CCDC93: variants seen among roughly 807,000 people sequenced by gnomAD.
CCDC93 encodes CCC complex scaffolding subunit CCDC93, also known as coiled-coil domain-containing protein 93.
In CCDC93, 61 loss-of-function variants were observed where a neutral mutation model predicts 108.2. The ratio of observed to expected loss-of-function variants is 0.56; its 90% confidence interval spans 0.46 to 0.70. The LOEUF is 0.70. Ranked by LOEUF, CCDC93 falls within the 30% of genes least tolerant of loss-of-function variation. CCDC93 has a pLI of 0.00. For missense variants in CCDC93, 685 were observed against 764.2 expected, an observed-to-expected ratio of 0.90 and a Z score of 1.22; for synonymous variants, 276 against 260.4, an observed-to-expected ratio of 1.06 and a Z score of -0.58.
At chr2:117,977,434 T>C (rs796846519) in intron 8 of CCDC93, among the ~76,000 whole-genome samples, 11 of 152,340 alleles carry the variant, frequency 7.2e-5, no homozygotes, top group African/African-American at 2.4e-4. Flanking sequence ...ACATACAGCC[T>C]GGAACACAGA....
intron 20 of CCDC93, 111 bp from the exon 21 acceptor site, chr2:117,936,850 A>G: frequency 1.2e-6 from 1 of 817,412 alleles, no homozygotes. Context: ...CAAGGAACAC[A>G]TGCCTTGTTT....
intron 22 of CCDC93, chr2:117,931,351 C>G: frequency 1.9e-6 from 1 of 514,108 alleles, no homozygotes; most frequent in Non-Finnish European, 3.4e-6. Flanking sequence ...ATTTTTCTAT[C>G]ACTGAGTATT....
rs762111145 is a variant in CCDC93, at chr2:117,958,296, G to A, written c.1005+69C>T. ...CAAGCACCACAGTATGCCAACCCCC[G>A]TTCTGGAATCTCCTTTAACCAATCT... On this transcript the variant is annotated intron_variant, in intron 12 of 23. Transcript: ENST00000376300. The A allele has an allele frequency of 5.5e-5, 56 of 1,015,806 alleles. No individual in the cohort carries two copies. In the Middle Eastern group the frequency reaches 7.2e-4, roughly 13 times the overall value. The allele number at this position is 1,015,806 out of a possible 1,614,324, so 62.9% of individuals were successfully genotyped here.
chr2:117,990,682 C>T (rs6542419), intron 6 of CCDC93, among the ~76,000 whole-genome samples: 147,176 of 151,798 alleles, frequency 0.97, 71,530 homozygotes, highest in Middle Eastern at 1. Flanking sequence ...TAGTTCCACA[C>T]AATTAATAAT....
At chr2:117,938,654 G>A (rs181641488) in intron 20 of CCDC93, among the ~76,000 whole-genome samples, 1 of 151,478 alleles carries the variant, frequency 6.6e-6, no homozygotes, top group East Asian at 1.9e-4. Flanking sequence ...GGCCACTGAT[G>A]ATTAAACAGG....
chr2:117,988,892 T>G (rs1680396520), intron 6 of CCDC93, among the ~76,000 whole-genome samples: 1 of 152,220 alleles, frequency 6.6e-6, no homozygotes, highest in South Asian at 2.1e-4. Flanking sequence ...ATACATCTTC[T>G]GCTCTTTGAA....
chr2:117,966,514 C>A (rs935954532), intron 11 of CCDC93, among the ~76,000 whole-genome samples: 1 of 152,188 alleles, frequency 6.6e-6, no homozygotes, highest in Non-Finnish European at 1.5e-5. Context: ...ATTACTTGCA[C>A]CCAAAAGGCT....
intron 11 of CCDC93, among the ~76,000 whole-genome samples, chr2:117,968,281 C>T (rs550204565): frequency 1.3e-5 from 2 of 152,120 alleles, no homozygotes; most frequent in African/African-American, 2.4e-5. Flanking sequence ...GGTTGCAGGG[C>T]GGAAATATAT....
rs1677709718 is a variant in CCDC93 at position 117,917,081 on chromosome 2, C to CAAGT, written c.*3258_*3261dup. On this transcript the variant is annotated 3_prime_UTR_variant, in exon 24 of 24. Transcript: ENST00000376300. ...ATGTTTCAACATCTGCACTTCAGAA[C>CAAGT]AAGTGGTCAGGCTCAAAGTAACTGT... 1 of 152,392 alleles carries CAAGT rather than the reference C, an allele frequency of 6.6e-6. No homozygotes were observed. Among genetic ancestry groups the CAAGT allele is most frequent in the African/African-American group, 2.4e-5 (1 of 41,400 alleles). 9.4% of individuals were successfully genotyped at this position (152,392 alleles called of 1,614,324 possible).
intron 15 of CCDC93, 44 bp downstream of exon 15, chr2:117,948,061 C>A: frequency 6.9e-7 from 1 of 1,452,446 alleles, no homozygotes; most frequent in South Asian, 1.1e-5. Context: ...CCAAGAGATT[C>A]AATAAGCGTC....
intron 6 of CCDC93, among the ~76,000 whole-genome samples, chr2:117,991,378 T>TA (rs1392235235): frequency 4.6e-5 from 7 of 152,162 alleles, no homozygotes; most frequent in Non-Finnish European, 7.4e-5. Flanking sequence ...GGCCCTGAAG[T>TA]AAGTCAGTAA....
chr2:118,000,913 C>A lies in CCDC93; in HGVS notation c.271G>T (p.Val91Phe). Residue 91 changes from valine (V) to phenylalanine (F), a missense_variant, in exon 4 of 24, where the codon GTC becomes TTC. Physicochemically the swap from Val to Phe is conservative, Grantham distance 50. Coordinates refer to ENST00000376300, the MANE Select transcript of CCDC93 (RefSeq NM_019044.5). ...CATTTCATCCTTGGCAGGACCGAGA[C>A]AATTTTTTCTGACAGAGCTCTGTTC... ...GQKIALSEKI[V>F]SVLPRMKCPH... 6.2e-7 allele frequency: 1 copy of A among 1,613,044 alleles called. No individual in the cohort carries two copies. Among genetic ancestry groups the A allele is most frequent in the Non-Finnish European group, 8.5e-7 (1 of 1,179,116 alleles).
chr2:117,937,267 G>T (rs1358096585), intron 20 of CCDC93, among the ~76,000 whole-genome samples: 1 of 152,172 alleles, frequency 6.6e-6, no homozygotes, highest in African/African-American at 2.4e-5. Flanking sequence ...CGTGGACACT[G>T]CCTTAGCCCC....
At chr2:117,939,636 A>C (rs1678635938) in intron 19 of CCDC93, among the ~76,000 whole-genome samples, 1 of 152,332 alleles carries the variant, frequency 6.6e-6, no homozygotes, top group East Asian at 1.9e-4. Flanking sequence ...TTCTGCTGAA[A>C]ACTGTCACTG....
chr2:117,920,125 G>A lies in CCDC93; in HGVS notation c.*218C>T, dbSNP rs1677810751. 2.6e-5 allele frequency: 12 copies of A among 463,460 alleles called. No homozygotes were observed. The highest frequency in any genetic ancestry group is 3.9e-5 in the Non-Finnish European group (10 of 256,062). 28.7% of individuals were successfully genotyped at this position (463,460 alleles called of 1,614,324 possible). A position where few individuals can be genotyped will look rare whatever the true frequency, so the allele number is the denominator to read the frequency against. On this transcript the variant is annotated 3_prime_UTR_variant, in exon 24 of 24. Coordinates refer to ENST00000376300, the MANE Select transcript of CCDC93 (RefSeq NM_019044.5). ...GTACTCCCTATATTCTTCATAGGAT[G>A]ATGGGTGTTATCCAAGCCACGTGTT...
intron 1 of CCDC93, among the ~76,000 whole-genome samples, chr2:118,009,541 G>A (rs574362356): frequency 1.3e-5 from 2 of 151,998 alleles, no homozygotes; most frequent in South Asian, 4.2e-4. Flanking sequence ...GCATGGTGGT[G>A]CACACCTGTA....
At chr2:117,959,382 A>T (rs1679319410) in intron 11 of CCDC93, among the ~76,000 whole-genome samples, 1 of 152,250 alleles carries the variant, frequency 6.6e-6, no homozygotes, top group East Asian at 1.9e-4. Flanking sequence ...TCTTTCTTAT[A>T]GTAAGTACCC....
intron 23 of CCDC93, among the ~76,000 whole-genome samples, chr2:117,924,380 A>C (rs1678001012): frequency 2.0e-5 from 3 of 151,312 alleles, no homozygotes; most frequent in African/African-American, 7.4e-5. Flanking sequence ...AAAAACCTTG[A>C]AAAAAAATTA....
intron 14 of CCDC93, among the ~76,000 whole-genome samples, chr2:117,949,002 G>A (rs1473723962): frequency 6.6e-6 from 1 of 152,196 alleles, no homozygotes; most frequent in Non-Finnish European, 1.5e-5. Context: ...GGGGACAGGA[G>A]TGGGAGGAAG....
Sources: allele counts gnomAD v4.1 joint callset (sites outside exome capture counted in the v4.1 genomes callset), GRCh38; gene constraint gnomAD v4.1.1; transcripts MANE v1.5; gene names NCBI Gene and HGNC (gene_info 2026-07-23, HGNC 2026-07-21).